Variants in NLRP5 observed in about 807,000 individuals in gnomAD.
NLRP5 encodes the protein NLR family pyrin domain containing 5.
A neutral mutation model predicts 113.1 loss-of-function variants in NLRP5; 93 were observed. The observed-to-expected ratio is 0.82, with a 90% CI of 0.70 to 0.98. The LOEUF (loss-of-function observed/expected upper bound fraction) is 0.98. Ranked by LOEUF, NLRP5 falls within the 50% of genes least tolerant of loss-of-function variation. NLRP5 has a pLI of 0.00. For synonymous variants in NLRP5, 751 were observed against 600.7 expected (o/e 1.25, Z -3.66); for missense variants, 1,808 against 1,514.3 (o/e 1.19, Z -3.22).
intron 6 of NLRP5, among the ~76,000 whole-genome samples, chr19:56,023,524 G>A (rs1218899719): frequency 5.9e-5 from 9 of 152,192 alleles, no homozygotes; most frequent in Non-Finnish European, 7.3e-5. Flanking sequence ...CATGCTGAGC[G>A]GTGCGTTGAG....
At chr19:55,999,699 T>G, upstream of NLRP5, 1 of 1,564,736 alleles carries the variant, frequency 6.4e-7, no homozygotes. Context: ...CCTTCGATGT[T>G]CAGTTACTTT....
At chr19:56,023,567 T>A (rs1308839800) in intron 6 of NLRP5, among the ~76,000 whole-genome samples, 1 of 151,976 alleles carries the variant, frequency 6.6e-6, no homozygotes, top group African/African-American at 2.4e-5. Flanking sequence ...GTAGACATCG[T>A]GTTAGATATT....
chr19:55,994,175 G>A, the NLRP5 span, among the ~76,000 whole-genome samples: 2 of 152,258 alleles, frequency 1.3e-5, no homozygotes, highest in East Asian at 3.9e-4. Flanking sequence ...AGAGGGAAAT[G>A]CAAATCAAAA....
upstream of NLRP5, among the ~76,000 whole-genome samples, chr19:55,998,716 A>ATATATATATATATATGTG (rs1568478328): frequency 1.3e-4 from 16 of 123,150 alleles, no homozygotes; most frequent in South Asian, 2.9e-4. Context: ...GTGTGTGTGT[A>ATATATATATATATATGTG]TATATATATA....
the NLRP5 span, among the ~76,000 whole-genome samples, chr19:55,991,432 A>G: frequency 2.0e-5 from 3 of 152,110 alleles, no homozygotes; most frequent in African/African-American, 4.8e-5. Flanking sequence ...CTTGGATGAT[A>G]TTATACTGAT....
chr19:56,016,860 G>A (rs906771105), intron 4 of NLRP5, among the ~76,000 whole-genome samples: 7 of 152,146 alleles, frequency 4.6e-5, no homozygotes, highest in African/African-American at 1.7e-4. Flanking sequence ...CCAGGCTGGG[G>A]TGCAGTGGCG....
rs778007106 is a variant in NLRP5, at chr19:56,041,125, C to T, written c.2957+33C>T. 2.5e-6 allele frequency: 4 copies of T among 1,606,338 alleles called. No homozygotes were observed. The African/African-American group carries it at 4.0e-5, about 16-fold the overall frequency. On this transcript the variant is annotated intron_variant, in intron 11 of 14. Transcript: ENST00000390649. ...TGGCTTGCTCCCCTGCAAGGACTTC[C>T]TAGCTTTCTAACATAGCATGGTGTA...
At position 56,048,904 on chromosome 19, in the gene NLRP5, A is replaced by G. The variant is rs186402071; in HGVS notation, c.2958-1514A>G. Among the ~76,000 whole-genome samples, 583 of 150,532 alleles carry G rather than the reference A, an allele frequency of 3.9e-3. 7 individuals are homozygous for G. Among genetic ancestry groups the G allele is most frequent in the African/African-American group, 0.013 (551 of 41,206 alleles). Reference sequence around the variant, plus strand: ...CCCAGACTTCTGGAGGCTTTGTTCAAATATTCTTTTTTCTGTCTTTGGTGG... The same window carrying G: ...CCCAGACTTCTGGAGGCTTTGTTCAGATATTCTTTTTTCTGTCTTTGGTGG... On this transcript the variant is annotated intron_variant, in intron 11 of 14. Coordinates refer to ENST00000390649, the MANE Select transcript of NLRP5 (RefSeq NM_153447.4).
At position 56,015,754 on chromosome 19, in the gene NLRP5, C is replaced by A. The variant is rs866503455; in HGVS notation, c.521C>A (p.Ala174Asp). The A allele has an allele frequency of 6.4e-7, 1 of 1,570,148 alleles. No homozygotes were observed. Among genetic ancestry groups the A allele is most frequent in the Non-Finnish European group, 8.7e-7 (1 of 1,155,756 alleles). ...TTCTCTTTTGCAGGAATTTCACAAG[C>A]TGTGCAACAAGATAGTGCCACAGCT... is the stretch of plus-strand genomic sequence containing the variant. Residue 174 changes from alanine (A) to aspartate (D), a missense_variant, in exon 4 of 15, where the codon GCT becomes GAT. By Grantham distance (126) the Ala-to-Asp change is moderately radical. Transcript: ENST00000390649.
At chr19:55,989,953 C>T in the NLRP5 span, among the ~76,000 whole-genome samples, 1 of 152,118 alleles carries the variant, frequency 6.6e-6, no homozygotes, top group Non-Finnish European at 1.5e-5. Flanking sequence ...CGTCCAGTCA[C>T]ACATTGTGGA....
At chr19:56,024,680 C>T (rs1010335678) in intron 6 of NLRP5, among the ~76,000 whole-genome samples, 1 of 151,356 alleles carries the variant, frequency 6.6e-6, no homozygotes, top group African/African-American at 2.4e-5. Flanking sequence ...ATTGCTTGAA[C>T]CTGGGAGATG....
In NLRP5 at chr19:56,028,242, C is replaced by T; in HGVS notation, c.2009C>T (p.Ser670Phe). Residue 670 changes from serine to phenylalanine, a missense_variant, in exon 7 of 15, where the codon TCT becomes TTT. Transcript: ENST00000390649. ...AAGCAGAAGCTTCTGCACTGGGTCT[C>T]TCTGTTGGGTCAGCAGCCTAATGCC... The T allele has an allele frequency of 1.2e-6, 2 of 1,613,942 alleles. No individual in the cohort carries two copies. The highest frequency in any genetic ancestry group is 1.7e-6 in the Non-Finnish European group (2 of 1,179,896).
At chr19:56,018,827 C>A (rs761499096) in intron 4 of NLRP5, 47 of 153,636 alleles carry the variant, frequency 3.1e-4, no homozygotes, top group Non-Finnish European at 6.5e-4. Context: ...TTTTTGTATT[C>A]TTATTATTAT....
At chr19:56,036,058 C>CTT (rs34956178) in intron 9 of NLRP5, among the ~76,000 whole-genome samples, 7,650 of 76,902 alleles carry the variant, frequency 0.099, 721 homozygotes, top group African/African-American at 0.15. Flanking sequence ...AATTGAGATT[C>CTT]TTTTTTTTTT....
chr19:56,060,288 AAT>A (rs1219911513), intron 14 of NLRP5, among the ~76,000 whole-genome samples: 2 of 151,714 alleles, frequency 1.3e-5, no homozygotes, highest in Non-Finnish European at 3.0e-5. Context: ...TATCTATTTA[AAT>A]ATGTTTATTT....
Position 56,026,971 on chromosome 19 carries a change from G to A in NLRP5, c.738G>A (p.Glu246=). 1 of 1,551,766 alleles carries A rather than the reference G, an allele frequency of 6.4e-7. No individual in the cohort carries two copies. The highest frequency in any genetic ancestry group is 8.7e-7 in the Non-Finnish European group (1 of 1,147,004). Residue 246 remains glutamate (E), a synonymous_variant, in exon 7 of 15, where the codon GAG becomes GAA. Transcript: ENST00000390649. ...ACGTGATGACCAAATTCGCTGAGGA[G>A]GAGGATGTACGTCGTAGTTTTGAAA...
intron 10 of NLRP5, among the ~76,000 whole-genome samples, chr19:56,038,495 C>T (rs778568109): frequency 1.3e-5 from 2 of 152,194 alleles, no homozygotes; most frequent in African/African-American, 2.4e-5. Context: ...CTTATGTGTG[C>T]AGCTTGCACT....
chr19:56,022,586 T>G (rs1316217503), intron 6 of NLRP5, among the ~76,000 whole-genome samples: 1 of 152,108 alleles, frequency 6.6e-6, no homozygotes, highest in Non-Finnish European at 1.5e-5. Context: ...GAAGCCACAA[T>G]TAAATTTATG....
chr19:56,053,616 CT>C (rs1358402991), intron 12 of NLRP5, 21 bp from the exon 13 acceptor site: 1 of 1,604,886 alleles, frequency 6.2e-7, no homozygotes, highest in African/African-American at 1.3e-5. Flanking sequence ...GGCAGACTCT[CT>C]CTATTCCCCG....
Sources: gnomAD v4.1 joint callset for allele counts (sites outside exome capture counted in the v4.1 genomes callset) on GRCh38, gnomAD v4.1.1 for gene constraint, MANE v1.5 for transcripts, NCBI Gene and HGNC (gene_info 2026-07-23, HGNC 2026-07-21) for gene names.